Variants in CA12 observed in about 807,000 individuals in gnomAD.
CA12 encodes the protein carbonate dehydratase XII.
Under a neutral mutation model 46.8 loss-of-function variants are expected in CA12, and 36 were observed. The observed-to-expected ratio is 0.77, with a 90% CI of 0.59 to 1.02. The LOEUF (loss-of-function observed/expected upper bound fraction) is 1.02, where lower values mean the gene tolerates loss of function less well. CA12 is among the 50% of genes least tolerant of loss of function. The pLI is 0.00. For missense variants in CA12, 436 were observed against 451.4 expected, an observed-to-expected ratio of 0.97 and a Z score of 0.31; for synonymous variants, 202 against 187.0, an observed-to-expected ratio of 1.08 and a Z score of -0.65.
chr15:63,343,299 T>TTTTTTTTTTTTTTTTC (rs745693866), intron 4 of CA12, among the ~76,000 whole-genome samples: 1 of 147,356 alleles, frequency 6.8e-6, no homozygotes, highest in Non-Finnish European at 1.5e-5. Flanking sequence ...TTTTTTTTTT[T>TTTTTTTTTTTTTTTTC]TAATGGAGTT....
In CA12 at chr15:63,339,228, G is replaced by A. The variant is rs1373856139; in HGVS notation, c.748-283C>T. Among the ~76,000 whole-genome samples the A allele has an allele frequency of 2.1e-5, 3 of 140,422 alleles. No individual in the cohort carries two copies. The highest frequency in any genetic ancestry group is 2.1e-4 in the East Asian group (1 of 4,670). The allele number at this position is 140,422 out of a possible 152,430, so 92.1% of individuals were successfully genotyped here. The stretch of plus-strand genomic sequence containing the variant: ...CAATTATACCTGGAATCTGCCCTGC[G>A]TGGAGGGAAACCTGGGGTGATGGAG... On this transcript the variant is annotated intron_variant, in intron 7 of 10. Transcript: ENST00000178638. This position sits in a 1 kb window ranked among gnomAD's most constrained non-coding sequence, Gnocchi z 4.3.
Position 63,330,844 on chromosome 15 carries a change from C to A in CA12, c.875-2714G>T, listed in dbSNP as rs2038929255. 1.3e-5 allele frequency among the ~76,000 whole-genome samples: 2 copies of A among 152,168 alleles called. No individual in the cohort carries two copies. The highest frequency in any genetic ancestry group is 2.4e-5 in the African/African-American group (1 of 41,444). ...CCTGGGATCTTTGCTCCTTGAGGAC[C>A]ACTTGTCAAGGCCTAAATGGACTCT... On this transcript the variant is annotated intron_variant, in intron 8 of 10. Coordinates refer to ENST00000178638, the MANE Select transcript of CA12 (RefSeq NM_001218.5). This position sits in a 1 kb window ranked among gnomAD's most constrained non-coding sequence, Gnocchi z 4.0.
Position 63,322,489 on chromosome 15 carries a change from G to A in CA12, c.*3796C>T, listed in dbSNP as rs988659757. ...TGTTATATTTTATTACATTTCTCTCGGCCTGTGTGCTCTAGATGGTTGATT... is the reference window on the plus strand; with the variant it reads ...TGTTATATTTTATTACATTTCTCTCAGCCTGTGTGCTCTAGATGGTTGATT... On this transcript the variant is annotated 3_prime_UTR_variant, in exon 11 of 11. Transcript: ENST00000178638. The surrounding 1 kb of genome is among the most constrained non-coding windows in gnomAD (Gnocchi z 4.1). 2.6e-5 allele frequency: 4 copies of A among 151,186 alleles called. No individual in the cohort carries two copies. Among genetic ancestry groups the A allele is most frequent in the Admixed American group, 6.6e-5 (1 of 15,182 alleles). 9.4% of individuals were successfully genotyped at this position (151,186 alleles called of 1,614,324 possible). A position where few individuals can be genotyped will look rare whatever the true frequency, so the allele number is the denominator to read the frequency against.
In CA12 at chr15:63,355,888, A is replaced by C. The variant is rs935748707; in HGVS notation, c.107-9179T>G. Among the ~76,000 whole-genome samples, 1 of 152,144 alleles carries C rather than the reference A, an allele frequency of 6.6e-6. No homozygotes were observed. The highest frequency in any genetic ancestry group is 2.4e-5 in the African/African-American group (1 of 41,412). On this transcript the variant is annotated intron_variant, in intron 2 of 10. Coordinates refer to ENST00000178638, the MANE Select transcript of CA12 (RefSeq NM_001218.5). This position sits in a 1 kb window ranked among gnomAD's most constrained non-coding sequence, Gnocchi z 4.1. ...AAGACATCCTGCTCTGTCTTTCTTA[A>C]ACATAATATTCAAATAGGGGGCTCC...
chr15:63,362,100 C>G (rs1215008560), intron 2 of CA12, among the ~76,000 whole-genome samples: 1 of 152,166 alleles, frequency 6.6e-6, no homozygotes, highest in Admixed American at 6.5e-5. Flanking sequence ...ACCAGCTCTG[C>G]TATTGTAGCC....
At chr15:63,370,979 T>C (rs750392010) in intron 2 of CA12, among the ~76,000 whole-genome samples, 1 of 152,076 alleles carries the variant, frequency 6.6e-6, no homozygotes, top group Non-Finnish European at 1.5e-5. Flanking sequence ...CCCTGCTGTT[T>C]TGAGTCTCCC....
Position 63,328,099 on chromosome 15 carries a change from C to T in CA12, c.906G>A (p.Leu302=). The change falls in exon 9 of 11, where the codon CTG becomes CTA. Residue 302 remains leucine (L), a splice_region_variant and synonymous_variant. Coordinates refer to ENST00000178638, the MANE Select transcript of CA12 (RefSeq NM_001218.5). The surrounding 1 kb of genome is among the most constrained non-coding windows in gnomAD (Gnocchi z 5.9). The part of the protein sequence containing the change: ...VQVCTAAGLS[L]GIILSLALAG... Reference sequence around the variant, plus strand: ...ACGGCTGGCTGCCCAGCCACATACCCAGACTCAGTCCTGCCGCAGTACAGA... The same window carrying T: ...ACGGCTGGCTGCCCAGCCACATACCTAGACTCAGTCCTGCCGCAGTACAGA... 1 of 1,614,032 alleles carries T rather than the reference C, an allele frequency of 6.2e-7. No homozygotes were observed. The highest frequency in any genetic ancestry group is 8.5e-7 in the Non-Finnish European group (1 of 1,179,942).
At chr15:63,358,913 C>T (rs1470678145) in intron 2 of CA12, among the ~76,000 whole-genome samples, 1 of 152,186 alleles carries the variant, frequency 6.6e-6, no homozygotes, top group Non-Finnish European at 1.5e-5. Flanking sequence ...AGCCCTTGAC[C>T]CTGGTGGCAC....
intron 2 of CA12, among the ~76,000 whole-genome samples, chr15:63,368,515 TC>T (rs1169198022): frequency 9.2e-5 from 14 of 152,310 alleles, no homozygotes; most frequent in Non-Finnish European, 1.8e-4. Flanking sequence ...ACCTTCCCAC[TC>T]ATGCTTTGAA....
rs2039128635 is a variant in CA12, at chr15:63,345,105, T to C, written c.429+372A>G. On this transcript the variant is annotated intron_variant, in intron 4 of 10. Transcript: ENST00000178638. The surrounding 1 kb of genome is among the most constrained non-coding windows in gnomAD (Gnocchi z 4.3). Reference sequence around the variant, plus strand: ...GACATATGAAGAAAGGCTGAGAAGTTTGGGGGAGCAGTGAGCCCAGTGTGA... The same window carrying C: ...GACATATGAAGAAAGGCTGAGAAGTCTGGGGGAGCAGTGAGCCCAGTGTGA... Among the ~76,000 whole-genome samples the C allele has an allele frequency of 6.6e-6, 1 of 152,190 alleles. No individual in the cohort carries two copies. The highest frequency in any genetic ancestry group is 2.4e-5 in the African/African-American group (1 of 41,440).
At position 63,324,994 on chromosome 15, in the gene CA12, C is replaced by T. The variant is rs1400812297; in HGVS notation, c.*1291G>A. 2 of 152,172 alleles carry T rather than the reference C, an allele frequency of 1.3e-5. No homozygotes were observed. Among genetic ancestry groups the T allele is most frequent in the African/African-American group, 4.8e-5 (2 of 41,432 alleles). The allele number at this position is 152,172 out of a possible 1,614,324, so 9.4% of individuals were successfully genotyped here. ...TGACTCATCTCCACAGGGTTCTCAC[C>T]TGCGGGAGGAAAATGGAGGAGTTGC... On this transcript the variant is annotated 3_prime_UTR_variant, in exon 11 of 11. Coordinates refer to ENST00000178638, the MANE Select transcript of CA12 (RefSeq NM_001218.5).
rs974703285 is a variant in CA12 at position 63,331,610 on chromosome 15, G to A, written c.875-3480C>T. The A allele has an allele frequency of 6.6e-6, 1 of 152,156 alleles. No individual in the cohort carries two copies. The allele number at this position is 152,156 out of a possible 1,614,324, so 9.4% of individuals were successfully genotyped here. The stretch of plus-strand genomic sequence containing the variant: ...AGAGCCGCCTGTTCACAAAGTGCTC[G>A]GGTATGACTCAGGGCGAGCAGAGAG... On this transcript the variant is annotated intron_variant, in intron 8 of 10. Coordinates refer to ENST00000178638, the MANE Select transcript of CA12 (RefSeq NM_001218.5). The surrounding 1 kb of genome is among the most constrained non-coding windows in gnomAD (Gnocchi z 5.3).
At chr15:63,359,588 C>A (rs2152622693) in intron 2 of CA12, among the ~76,000 whole-genome samples, 1 of 152,124 alleles carries the variant, frequency 6.6e-6, no homozygotes, top group East Asian at 1.9e-4. Flanking sequence ...AACCCTCAGA[C>A]AAATAAAAAT....
rs1567043528 is a variant in CA12, at chr15:63,339,485, C to T, written c.748-540G>A. Among the ~76,000 whole-genome samples the T allele has an allele frequency of 6.6e-6, 1 of 152,322 alleles. No homozygotes were observed. The highest frequency in any genetic ancestry group is 2.4e-5 in the African/African-American group (1 of 41,548). On this transcript the variant is annotated intron_variant, in intron 7 of 10. Transcript: ENST00000178638. The surrounding 1 kb of genome is among the most constrained non-coding windows in gnomAD (Gnocchi z 4.3). Reference sequence around the variant, plus strand: ...TTCTGAGGTAGGATGTTGCTGCTTCCCCACATGTTTCATCCATCTCTTGGT... The same window carrying T: ...TTCTGAGGTAGGATGTTGCTGCTTCTCCACATGTTTCATCCATCTCTTGGT...
intron 1 of CA12, among the ~76,000 whole-genome samples, 156 bp from the exon 2 acceptor site, chr15:63,375,834 AG>A (rs2039563725): frequency 6.7e-6 from 1 of 149,116 alleles, no homozygotes; most frequent in African/African-American, 2.5e-5. Flanking sequence ...TTCAAGGTGG[AG>A]TATTGCTCTT....
rs16946909 is a variant in CA12 at position 63,360,589 on chromosome 15, G to A, written c.107-13880C>T. Among the ~76,000 whole-genome samples the A allele has an allele frequency of 3.0e-3, 454 of 152,212 alleles. 3 individuals are homozygous for A. The highest frequency in any genetic ancestry group is 9.7e-3 in the African/African-American group (402 of 41,512). The stretch of plus-strand genomic sequence containing the variant: ...GTCTCTAATTGTGCCACGTGCTCTC[G>A]CCTGCTTTTTAGGGCCTCTGTTGCC... On this transcript the variant is annotated intron_variant, in intron 2 of 10. Coordinates refer to ENST00000178638, the MANE Select transcript of CA12 (RefSeq NM_001218.5).
At chr15:63,336,654 G>T (rs1342786707) in intron 8 of CA12, among the ~76,000 whole-genome samples, 3 of 148,512 alleles carry the variant, frequency 2.0e-5, no homozygotes, top group African/African-American at 7.5e-5. Flanking sequence ...GGGTTCAAGC[G>T]ATTCTCCTGC....
chr15:63,349,959 A>G (rs905631273), intron 2 of CA12, among the ~76,000 whole-genome samples: 24 of 152,216 alleles, frequency 1.6e-4, no homozygotes, highest in African/African-American at 5.8e-4. Context: ...AGGAGGAAAA[A>G]TGAGATCACT....
chr15:63,340,631 G>T lies in CA12; in HGVS notation c.589+89C>A. ...AACCTGGTGAACACAGACAGCACCT[G>T]CCCCTTGTGTTTGCTTTTCTTAAAG... On this transcript the variant is annotated intron_variant, in intron 6 of 10. Transcript: ENST00000178638. This position sits in a 1 kb window ranked among gnomAD's most constrained non-coding sequence, Gnocchi z 4.4. The T allele has an allele frequency of 1.4e-6, 2 of 1,437,356 alleles. No individual in the cohort carries two copies. Among genetic ancestry groups the T allele is most frequent in the African/African-American group, 1.4e-5 (1 of 71,476 alleles). The allele number at this position is 1,437,356 out of a possible 1,614,324, so 89.0% of individuals were successfully genotyped here. A position where few individuals can be genotyped will look rare whatever the true frequency, so the allele number is the denominator to read the frequency against.
Sources: gnomAD v4.1 joint callset for allele counts (sites outside exome capture counted in the v4.1 genomes callset) on GRCh38, gnomAD v4.1.1 for gene constraint, Gnocchi (gnomAD v3.1) non-coding constraint, MANE v1.5 for transcripts, NCBI Gene and HGNC (gene_info 2026-07-23, HGNC 2026-07-21) for gene names.